Variants in GALNTL6 observed in about 807,000 individuals in gnomAD.
GALNTL6 encodes polypeptide N-acetylgalactosaminyltransferase like 6, also known as polypeptide N-acetylgalactosaminyltransferase-like 6.
In GALNTL6, 46 loss-of-function variants were observed where a neutral mutation model predicts 73.7. The ratio of observed to expected loss-of-function variants is 0.62; its 90% CI spans 0.49 to 0.80. GALNTL6 has a LOEUF of 0.80. GALNTL6 is among the 30% of genes least tolerant of loss of function. GALNTL6 has a pLI of 0.00. For synonymous variants in GALNTL6, 259 were observed against 263.7 expected, an observed-to-expected ratio of 0.98 and a Z score of 0.17; for missense variants, 604 against 755.0, an observed-to-expected ratio of 0.80 and a Z score of 2.34.
intron 2 of GALNTL6, among the ~76,000 whole-genome samples, chr4:171,978,050 C>A (rs868553186): frequency 6.6e-6 from 1 of 151,938 alleles, no homozygotes; most frequent in Admixed American, 6.6e-5. Context: ...TGGCAAAAAC[C>A]GCCATTACTA....
At chr4:172,430,796 C>G (rs907472750) in intron 5 of GALNTL6, among the ~76,000 whole-genome samples, 1 of 151,948 alleles carries the variant, frequency 6.6e-6, no homozygotes, top group African/African-American at 2.4e-5. Context: ...CAGTGAAACC[C>G]TATCTCTAAA....
intron 5 of GALNTL6, among the ~76,000 whole-genome samples, chr4:172,635,786 A>G (rs186717849): frequency 6.6e-6 from 1 of 152,320 alleles, no homozygotes; most frequent in Non-Finnish European, 1.5e-5. Context: ...CAAGCTTTAT[A>G]TCCAATAACA....
At chr4:172,167,057 T>C (rs1333627947) in intron 2 of GALNTL6, among the ~76,000 whole-genome samples, 1 of 152,208 alleles carries the variant, frequency 6.6e-6, no homozygotes, top group African/African-American at 2.4e-5. Flanking sequence ...TCATTTTTCT[T>C]GTCTCTAAAG....
chr4:172,819,465 C>CA (rs1741804324), intron 7 of GALNTL6, among the ~76,000 whole-genome samples: 3 of 152,040 alleles, frequency 2.0e-5, no homozygotes, highest in African/African-American at 7.2e-5. Context: ...CTTATTTTTA[C>CA]AAAAAAGGAA....
chr4:172,863,720 C>A (rs578148525), intron 7 of GALNTL6, among the ~76,000 whole-genome samples: 18 of 152,188 alleles, frequency 1.2e-4, no homozygotes. Flanking sequence ...GAACTGTGGA[C>A]TTTTGAGTTA....
At chr4:172,215,118 C>T (rs916600840) in intron 2 of GALNTL6, among the ~76,000 whole-genome samples, 1 of 151,724 alleles carries the variant, frequency 6.6e-6, no homozygotes, top group African/African-American at 2.4e-5. Context: ...CTTTATAACC[C>T]GAGAAAATTA....
chr4:171,835,721 A>G (rs994688948), intron 2 of GALNTL6, among the ~76,000 whole-genome samples: 2 of 151,938 alleles, frequency 1.3e-5, no homozygotes, highest in African/African-American at 4.8e-5. Flanking sequence ...AGCTTTCTAT[A>G]TTGTTACAAG....
At chr4:172,640,012 C>A (rs1739897835) in intron 5 of GALNTL6, among the ~76,000 whole-genome samples, 1 of 152,064 alleles carries the variant, frequency 6.6e-6, no homozygotes, top group African/African-American at 2.4e-5. Context: ...CACCCCATTA[C>A]TTTGCTCCTC....
intron 2 of GALNTL6, among the ~76,000 whole-genome samples, chr4:171,881,317 A>C (rs1252565777): frequency 6.6e-6 from 1 of 152,198 alleles, no homozygotes; most frequent in Non-Finnish European, 1.5e-5. Context: ...TTGTGTTTTT[A>C]AATCTCATGA....
chr4:172,480,994 G>A (rs767303229), intron 5 of GALNTL6, among the ~76,000 whole-genome samples: 2 of 152,172 alleles, frequency 1.3e-5, no homozygotes, highest in Non-Finnish European at 2.9e-5. Flanking sequence ...AAGTCACAAC[G>A]TGTCCAAAAT....
intron 4 of GALNTL6, among the ~76,000 whole-genome samples, chr4:172,330,689 A>C (rs907313213): frequency 6.6e-6 from 1 of 152,090 alleles, no homozygotes; most frequent in Admixed American, 6.5e-5. Context: ...TTTTGTGTTA[A>C]GCTTCACTGA....
chr4:172,684,677 A>G (rs757177983), intron 5 of GALNTL6, among the ~76,000 whole-genome samples: 1 of 152,196 alleles, frequency 6.6e-6, no homozygotes, highest in Non-Finnish European at 1.5e-5. Context: ...AAGACTGAAC[A>G]TGGAAAAGAG....
intron 2 of GALNTL6, among the ~76,000 whole-genome samples, chr4:172,093,967 T>C (rs752409877): frequency 1.3e-5 from 2 of 152,218 alleles, no homozygotes; most frequent in Middle Eastern, 3.4e-3. Flanking sequence ...GCACAATAAA[T>C]ATAACCCACT....
intron 2 of GALNTL6, among the ~76,000 whole-genome samples, chr4:172,193,458 A>G (rs1046475537): frequency 1.3e-5 from 2 of 152,206 alleles, no homozygotes; most frequent in East Asian, 3.9e-4. Context: ...TGTTAAAAGA[A>G]AAACAAACCA....
intron 5 of GALNTL6, among the ~76,000 whole-genome samples, chr4:172,731,134 CTTT>C (rs1353676582): frequency 3.3e-5 from 5 of 150,534 alleles, no homozygotes; most frequent in Non-Finnish European, 5.9e-5. Context: ...ATTAGTTCTT[CTTT>C]AAATATATGG....
intron 2 of GALNTL6, among the ~76,000 whole-genome samples, chr4:172,181,002 C>A (rs970829800): frequency 6.6e-6 from 1 of 152,074 alleles, no homozygotes; most frequent in Non-Finnish European, 1.5e-5. Flanking sequence ...TGAAGAAAGT[C>A]AATGGTAGCT....
At chr4:172,290,594 T>G (rs1739430778) in intron 3 of GALNTL6, among the ~76,000 whole-genome samples, 1 of 152,020 alleles carries the variant, frequency 6.6e-6, no homozygotes, top group Non-Finnish European at 1.5e-5. Flanking sequence ...ATATTGATAA[T>G]TGCAATGAAG....
chr4:171,959,881 G>A (rs772111886), intron 2 of GALNTL6, among the ~76,000 whole-genome samples: 3 of 152,062 alleles, frequency 2.0e-5, no homozygotes, highest in Non-Finnish European at 4.4e-5. Flanking sequence ...AAAACCAAAG[G>A]CCATTTTAGA....
intron 5 of GALNTL6, among the ~76,000 whole-genome samples, chr4:172,483,454 A>G (rs1455112133): frequency 1.3e-5 from 2 of 152,218 alleles, no homozygotes; most frequent in African/African-American, 4.8e-5. Context: ...GGACACGTAT[A>G]TAAAGAGTTC....
Sources: allele counts gnomAD v4.1 joint callset (sites outside exome capture counted in the v4.1 genomes callset), GRCh38; gene constraint gnomAD v4.1.1; transcripts MANE v1.5; gene names NCBI Gene and HGNC (gene_info 2026-07-23, HGNC 2026-07-21).